Variants in CPEB1 observed in about 807,000 individuals in gnomAD.
CPEB1 encodes the protein cytoplasmic polyadenylation element binding protein 1.
In CPEB1, 7 loss-of-function variants were observed where a neutral mutation model predicts 65.8. The ratio of observed to expected loss-of-function variants is 0.11; its 90% CI spans 0.06 to 0.20. The LOEUF (loss-of-function observed/expected upper bound fraction) is 0.20, where lower values mean the gene tolerates loss of function less well. Among genes scored for constraint, CPEB1 ranks in the 10% least tolerant of loss-of-function variants. CPEB1 has a pLI of 1.00. For synonymous variants in CPEB1, 262 were observed against 260.0 expected, an observed-to-expected ratio of 1.01 and a Z score of -0.08; for missense variants, 551 against 712.2, an observed-to-expected ratio of 0.77 and a Z score of 2.58.
chr15:82,555,137 A>G (rs757059181), intron 6 of CPEB1, among the ~76,000 whole-genome samples: 5 of 152,242 alleles, frequency 3.3e-5, no homozygotes, highest in Admixed American at 6.5e-5. Flanking sequence ...GCAGTACTAG[A>G]CAAAGATGAA....
At position 82,574,722 on chromosome 15, in the gene CPEB1, C is replaced by CAA. The variant is rs534968367; in HGVS notation, c.272-3192_272-3191dup. Among the ~76,000 whole-genome samples the CAA allele has an allele frequency of 3.2e-3, 169 of 53,488 alleles. 14 individuals are homozygous for CAA. The highest frequency in any genetic ancestry group is 0.025 in the East Asian group (33 of 1,330). The allele number at this position is 53,488 out of a possible 152,430, so 35.1% of individuals were successfully genotyped here. A position where few individuals can be genotyped will look rare whatever the true frequency, so the allele number is the denominator to read the frequency against. On this transcript the variant is annotated intron_variant, in intron 3 of 12. Transcript: ENST00000684509. ...TGGGCAACAGAGCTAGACTCGGTCTCAAAAAAAAAAAAAAAAAAAAAAAAA... is the reference window on the plus strand; with the variant it reads ...TGGGCAACAGAGCTAGACTCGGTCTCAAAAAAAAAAAAAAAAAAAAAAAAAAA...
chr15:82,605,803 C>G (rs982825806), intron 3 of CPEB1, among the ~76,000 whole-genome samples: 1 of 152,090 alleles, frequency 6.6e-6, no homozygotes, highest in Admixed American at 6.5e-5. Context: ...CTTTGGGAGG[C>G]TGAGGTGGGC....
rs1187622608 is a variant in CPEB1, at chr15:82,584,210, G to T, written c.272-12678C>A. ...GCAGGCAGAGCTTGCAGTGAGTGGA[G>T]ATCGCACCACTGCACTCCAGCCTGG... On this transcript the variant is annotated intron_variant, in intron 3 of 12. Transcript: ENST00000684509. Among the ~76,000 whole-genome samples the T allele has an allele frequency of 4.1e-5, 5 of 122,194 alleles. No individual in the cohort carries two copies. The South Asian group carries it at 1.1e-3, about 27-fold the overall frequency. The allele number at this position is 122,194 out of a possible 152,430, so 80.2% of individuals were successfully genotyped here.
rs75778808 is a variant in CPEB1 at position 82,610,231 on chromosome 15, G to A, written c.271+16962C>T. ...GTATTAGTCATCAACAAACTTCCCA[G>A]AGAATAGTCCAAGACAAGAAAGCTT... On this transcript the variant is annotated intron_variant, in intron 3 of 12. Coordinates refer to ENST00000684509, the MANE Select transcript of CPEB1 (RefSeq NM_001365242.1). Among the ~76,000 whole-genome samples, 832 of 152,176 alleles carry A rather than the reference G, an allele frequency of 5.5e-3. 13 individuals carry two copies. The highest frequency in any genetic ancestry group is 0.017 in the Middle Eastern group (5 of 294).
intron 3 of CPEB1, among the ~76,000 whole-genome samples, chr15:82,577,136 G>C (rs2040736948): frequency 6.6e-6 from 1 of 152,188 alleles, no homozygotes; most frequent in South Asian, 2.1e-4. Flanking sequence ...CAAATGGTAA[G>C]ATTAAATCAT....
At position 82,549,378 on chromosome 15, in the gene CPEB1, T is replaced by A. The variant is rs2035848304; in HGVS notation, c.1480+82A>T. 12 of 1,451,026 alleles carry A rather than the reference T, an allele frequency of 8.3e-6. No homozygotes were observed. In the South Asian group the frequency reaches 1.3e-4, roughly 16 times the overall value. 89.9% of individuals were successfully genotyped at this position (1,451,026 alleles called of 1,614,324 possible). A position where few individuals can be genotyped will look rare whatever the true frequency, so the allele number is the denominator to read the frequency against. On this transcript the variant is annotated intron_variant, in intron 10 of 12. Coordinates refer to ENST00000684509, the MANE Select transcript of CPEB1 (RefSeq NM_001365242.1). ...GCAGACCTGGGTCAGGCCTCTCTCCTCACTCCCATGGGGAAGTATCACAAT... is the reference window on the plus strand; with the variant it reads ...GCAGACCTGGGTCAGGCCTCTCTCCACACTCCCATGGGGAAGTATCACAAT...
rs1391940375 is a variant in CPEB1, at chr15:82,565,195, T to G, written c.460+6149A>C. On this transcript the variant is annotated intron_variant, in intron 4 of 12. Coordinates refer to ENST00000684509, the MANE Select transcript of CPEB1 (RefSeq NM_001365242.1). The stretch of plus-strand genomic sequence containing the variant: ...GTGGAAACTGCCACCCATGGTCAGA[T>G]GCCCTAGAGTGACCTAATTGTACCT... Among the ~76,000 whole-genome samples the G allele has an allele frequency of 5.3e-5, 8 of 152,324 alleles. No individual in the cohort carries two copies. The East Asian group carries it at 1.5e-3, about 29-fold the overall frequency.
At chr15:82,600,106 A>G (rs1003109126) in intron 3 of CPEB1, among the ~76,000 whole-genome samples, 1 of 152,194 alleles carries the variant, frequency 6.6e-6, no homozygotes, top group Admixed American at 6.5e-5. Flanking sequence ...CCCAAGGAAG[A>G]AAAAAGATAA....
At chr15:82,612,915 A>G (rs113778609) in intron 3 of CPEB1, among the ~76,000 whole-genome samples, 2,004 of 152,252 alleles carry the variant, frequency 0.013, 39 homozygotes, top group African/African-American at 0.044. Context: ...CTGTTCCTCA[A>G]AAAAACAAAA....
At chr15:82,578,008 C>T (rs28676810) in intron 3 of CPEB1, among the ~76,000 whole-genome samples, 29,563 of 151,972 alleles carry the variant, frequency 0.19, 3,150 homozygotes, top group African/African-American at 0.28. Flanking sequence ...GGCATGGTGG[C>T]AGGTGCCTGC....
At chr15:82,562,154 CTTT>C (rs66642827) in intron 4 of CPEB1, 2,044 of 412,744 alleles carry the variant, frequency 5.0e-3, no homozygotes, top group Non-Finnish European at 5.9e-3. Context: ...TCACTAGCTA[CTTT>C]TTTTTTTTTT....
At chr15:82,568,589 G>A (rs151159622) in intron 4 of CPEB1, among the ~76,000 whole-genome samples, 5 of 152,252 alleles carry the variant, frequency 3.3e-5, no homozygotes, top group African/African-American at 1.2e-4. Flanking sequence ...GGACTCTGAG[G>A]CCAAGGAAAT....
At chr15:82,564,242 A>G (rs993249512) in intron 4 of CPEB1, among the ~76,000 whole-genome samples, 2 of 152,158 alleles carry the variant, frequency 1.3e-5, no homozygotes, top group African/African-American at 4.8e-5. Flanking sequence ...ACCCTTTTCT[A>G]TCAAGGATAT....
chr15:82,646,386 G>A (rs2047525719), intron 1 of CPEB1, among the ~76,000 whole-genome samples: 1 of 152,186 alleles, frequency 6.6e-6, no homozygotes, highest in Middle Eastern at 3.2e-3. Context: ...CTGGGCGGTA[G>A]CCAGGGAGAC....
chr15:82,583,409 C>T (rs2151109781), intron 3 of CPEB1: 1 of 152,258 alleles, frequency 6.6e-6, no homozygotes. Flanking sequence ...TGCAGAAGTT[C>T]CTTAAACAGT....
chr15:82,575,065 T>C (rs534510714), intron 3 of CPEB1, among the ~76,000 whole-genome samples: 1 of 152,138 alleles, frequency 6.6e-6, no homozygotes, highest in African/African-American at 2.4e-5. Flanking sequence ...GTAATGAAAA[T>C]AAAAACAGAA....
At chr15:82,547,097 C>A in intron 11 of CPEB1, 46 bp downstream of exon 11, 1 of 1,359,776 alleles carries the variant, frequency 7.4e-7, no homozygotes, top group Non-Finnish European at 1.0e-6. Context: ...ACTGCCCAAA[C>A]CCCTCTCATA....
intron 3 of CPEB1, among the ~76,000 whole-genome samples, chr15:82,574,440 A>G (rs1347942586): frequency 2.0e-5 from 3 of 152,174 alleles, no homozygotes; most frequent in African/African-American, 7.2e-5. Context: ...ATTTGAGGCC[A>G]GGTGCAGTGG....
At chr15:82,598,659 C>T (rs953857872) in intron 3 of CPEB1, among the ~76,000 whole-genome samples, 14 of 152,156 alleles carry the variant, frequency 9.2e-5, no homozygotes, top group Non-Finnish European at 4.4e-5. Context: ...GTGGTGGGTG[C>T]CCGTAATCCC....
Sources: allele counts gnomAD v4.1 joint callset (sites outside exome capture counted in the v4.1 genomes callset), GRCh38; gene constraint gnomAD v4.1.1; transcripts MANE v1.5; gene names NCBI Gene and HGNC (gene_info 2026-07-23, HGNC 2026-07-21).